PRELID2: variants seen among roughly 807,000 people sequenced by gnomAD.
PRELID2 encodes PRELI domain containing 2, also known as PRELI domain-containing protein 2.
In PRELID2, 25 loss-of-function variants were observed where a neutral mutation model predicts 28.4. The ratio of observed to expected loss-of-function variants is 0.88; its 90% CI spans 0.64 to 1.23. The LOEUF is 1.23. Ranked by LOEUF, PRELID2 falls within the 50% of genes most tolerant of loss-of-function variation. PRELID2 has a pLI of 0.00. For missense variants in PRELID2, 201 were observed against 214.4 expected (o/e 0.94, Z 0.39); for synonymous variants, 76 against 71.6 (o/e 1.06, Z -0.31).
intron 1 of PRELID2, among the ~76,000 whole-genome samples, chr5:145,610,476 T>A (rs543243854): frequency 3.3e-4 from 49 of 150,308 alleles, no homozygotes; most frequent in East Asian, 9.7e-4. Context: ...AAAAAAAAAA[T>A]GATAATTCAA....
intron 1 of PRELID2, among the ~76,000 whole-genome samples, chr5:145,676,160 C>A (rs1025994025): frequency 6.9e-6 from 1 of 144,436 alleles, no homozygotes; most frequent in African/African-American, 2.6e-5. Flanking sequence ...GCAGAGGTTG[C>A]GGTGAGCCCA....
chr5:145,277,904 C>G, the PRELID2 span, among the ~76,000 whole-genome samples: 88 of 152,274 alleles, frequency 5.8e-4, no homozygotes, highest in Non-Finnish European at 1.0e-3. Context: ...TATTCTCACA[C>G]TAGTGTTAAT....
intron 1 of PRELID2, among the ~76,000 whole-genome samples, chr5:145,602,380 AT>A (rs1753410806): frequency 6.6e-6 from 1 of 152,222 alleles, no homozygotes. Context: ...AAGGAATTCC[AT>A]TTTAGAACTA....
chr5:145,747,135 G>A (rs1396150373), intron 1 of PRELID2, among the ~76,000 whole-genome samples: 1 of 151,354 alleles, frequency 6.6e-6, no homozygotes, highest in African/African-American at 2.4e-5. Context: ...ACAGAGGCAG[G>A]AGCAAACTAA....
chr5:145,247,575 C>G, the PRELID2 span, among the ~76,000 whole-genome samples: 2 of 152,126 alleles, frequency 1.3e-5, no homozygotes, highest in Admixed American at 1.3e-4. Flanking sequence ...TCTGTATATG[C>G]TAACTTCCCC....
chr5:145,337,999 A>T, the PRELID2 span: 1 of 152,146 alleles, frequency 6.6e-6, no homozygotes, highest in African/African-American at 2.4e-5. Context: ...CTGGAGGGAA[A>T]TAAAATGTGA....
chr5:145,526,242 G>A (rs145326939), intron 1 of PRELID2, among the ~76,000 whole-genome samples: 45 of 152,286 alleles, frequency 3.0e-4, no homozygotes, highest in Admixed American at 5.9e-4. Context: ...AAGGTCACAC[G>A]TGTGCTAAGT....
At chr5:145,821,247 T>G (rs1011662941) in intron 2 of PRELID2, among the ~76,000 whole-genome samples, 1 of 147,218 alleles carries the variant, frequency 6.8e-6, no homozygotes, top group Admixed American at 6.8e-5. Flanking sequence ...GTGTAAGCCC[T>G]CTTCTGTGTG....
At chr5:145,754,870 T>C (rs1268424260), downstream of PRELID2, among the ~76,000 whole-genome samples, 1 of 152,178 alleles carries the variant, frequency 6.6e-6, no homozygotes, top group African/African-American at 2.4e-5. Context: ...TTGAAGAGGA[T>C]GGCAATTAGC....
chr5:145,418,416 A>G, the PRELID2 span, among the ~76,000 whole-genome samples: 1 of 152,204 alleles, frequency 6.6e-6, no homozygotes, highest in Non-Finnish European at 1.5e-5. Context: ...GAACCAAAAA[A>G]TAGCCCAGAT....
At chr5:145,319,503 T>C in the PRELID2 span, among the ~76,000 whole-genome samples, 3 of 151,914 alleles carry the variant, frequency 2.0e-5, no homozygotes, top group East Asian at 3.9e-4. Flanking sequence ...ACCCCATTTC[T>C]ACTAAATATA....
At chr5:145,640,023 T>G (rs976917802) in intron 1 of PRELID2, among the ~76,000 whole-genome samples, 3 of 152,154 alleles carry the variant, frequency 2.0e-5, no homozygotes, top group African/African-American at 7.2e-5. Flanking sequence ...TATTGGCATT[T>G]GTCATTATAT....
chr5:145,419,449 G>A, the PRELID2 span, among the ~76,000 whole-genome samples: 1 of 126,598 alleles, frequency 7.9e-6, no homozygotes, highest in Non-Finnish European at 1.7e-5. Flanking sequence ...GTATCTCATT[G>A]TGGTTTTGAT....
chr5:145,776,092 C>T (rs1758390468), intron 5 of PRELID2, among the ~76,000 whole-genome samples: 1 of 152,148 alleles, frequency 6.6e-6, no homozygotes, highest in Non-Finnish European at 1.5e-5. Context: ...GTTTTGTTTT[C>T]CACAGTTTCA....
intron 1 of PRELID2, among the ~76,000 whole-genome samples, chr5:145,496,931 T>C (rs921859087): frequency 1.1e-4 from 16 of 152,132 alleles, no homozygotes; most frequent in African/African-American, 3.9e-4. Flanking sequence ...GGCATGACCA[T>C]GGCTCACTGT....
At chr5:145,476,596 G>A (rs1345769174) in intron 1 of PRELID2, among the ~76,000 whole-genome samples, 1 of 151,984 alleles carries the variant, frequency 6.6e-6, no homozygotes, top group East Asian at 1.9e-4. Context: ...AGTGAGCCGA[G>A]ATTGCGCCAC....
At chr5:145,229,617 C>A in the PRELID2 span, 1 of 1,087,344 alleles carries the variant, frequency 9.2e-7, no homozygotes, top group Non-Finnish European at 1.4e-6. Context: ...GGCTTATTGC[C>A]ATCGTGGAGA....
chr5:145,679,059 A>G (rs1424089450), intron 1 of PRELID2, among the ~76,000 whole-genome samples: 1 of 152,180 alleles, frequency 6.6e-6, no homozygotes, highest in Non-Finnish European at 1.5e-5. Flanking sequence ...GAAAGTCTCC[A>G]TGTGTTTTAT....
chr5:145,388,151 G>A, the PRELID2 span, among the ~76,000 whole-genome samples: 4 of 152,160 alleles, frequency 2.6e-5, no homozygotes, highest in South Asian at 8.3e-4. Context: ...GTAAAGTAGG[G>A]AATTGAGTGT....
Sources: allele counts gnomAD v4.1 joint callset (sites outside exome capture counted in the v4.1 genomes callset), GRCh38; gene constraint gnomAD v4.1.1; transcripts MANE v1.5; gene names NCBI Gene and HGNC (gene_info 2026-07-23, HGNC 2026-07-21).